Variants in NKAIN3 observed in about 807,000 individuals in gnomAD.
NKAIN3 encodes sodium/potassium-transporting ATPase subunit beta-1-interacting protein 3.
In NKAIN3, 25 loss-of-function variants were observed where a neutral mutation model predicts 30.2. The ratio of observed to expected loss-of-function variants is 0.83; its 90% CI spans 0.60 to 1.16. The LOEUF (loss-of-function observed/expected upper bound fraction) is 1.16. Among genes scored for constraint, NKAIN3 ranks in the 50% most tolerant of loss-of-function variants. The pLI, the probability that NKAIN3 is intolerant of heterozygous loss-of-function variation, is 0.00. For missense variants in NKAIN3, 225 were observed against 254.1 expected, an observed-to-expected ratio of 0.89 and a Z score of 0.78; for synonymous variants, 91 against 89.6, an observed-to-expected ratio of 1.02 and a Z score of -0.09.
chr8:62,596,988 G>A (rs921970804), intron 3 of NKAIN3, among the ~76,000 whole-genome samples: 16 of 152,148 alleles, frequency 1.1e-4, no homozygotes, highest in Middle Eastern at 3.4e-3. Context: ...TGAGTATGCC[G>A]TTCACATCAT....
intron 1 of NKAIN3, among the ~76,000 whole-genome samples, chr8:62,267,511 A>C (rs1393602345): frequency 6.6e-6 from 1 of 152,156 alleles, no homozygotes; most frequent in Admixed American, 6.5e-5. Context: ...CTACACTATT[A>C]TTTCATGCTA....
Position 62,896,879 on chromosome 8 carries a change from G to C in NKAIN3, c.472-21574G>C, listed in dbSNP as rs4739017. Among the ~76,000 whole-genome samples the C allele has an allele frequency of 1.0e-3, 153 of 152,270 alleles. 3 individuals are homozygous for C. Among genetic ancestry groups the C allele is most frequent in the Admixed American group, 9.3e-3 (142 of 15,288 alleles). ...AGAGCAATCTCAGCAGAAAAGTAGG[G>C]CCAGAAGGCAGATTGCAATGAATTA... On this transcript the variant is annotated intron_variant, in intron 4 of 6. Coordinates refer to ENST00000623646, the MANE Select transcript of NKAIN3 (RefSeq NM_001304533.3).
chr8:62,539,020 T>C (rs774881550), intron 1 of NKAIN3, among the ~76,000 whole-genome samples: 5 of 152,106 alleles, frequency 3.3e-5, no homozygotes, highest in Non-Finnish European at 7.4e-5. Context: ...CTCAGGAGGG[T>C]CATTCAGTGT....
intron 1 of NKAIN3, among the ~76,000 whole-genome samples, chr8:62,561,645 T>A (rs780317030): frequency 5.9e-5 from 9 of 152,120 alleles, no homozygotes; most frequent in Non-Finnish European, 1.2e-4. Flanking sequence ...TTTCTTCAAA[T>A]CTCTGTAAAA....
At chr8:62,383,390 T>C (rs912254778) in intron 1 of NKAIN3, 8 of 391,588 alleles carry the variant, frequency 2.0e-5, no homozygotes, top group Non-Finnish European at 4.1e-5. Context: ...ACAAGTGGAG[T>C]AGCCTTTTCC....
At chr8:62,340,006 C>T (rs1174167065) in intron 1 of NKAIN3, among the ~76,000 whole-genome samples, 1 of 152,066 alleles carries the variant, frequency 6.6e-6, no homozygotes, top group South Asian at 2.1e-4. Flanking sequence ...ATACCTTTTC[C>T]TCACCCATCA....
At position 62,764,230 on chromosome 8, in the gene NKAIN3, T is replaced by C. The variant is rs186229599; in HGVS notation, c.471+17101T>C. ...GCTACCCTGTACTGAACATATTCCA[T>C]GTGCCTGGTATCTTTCTTTGAAGTA... On this transcript the variant is annotated intron_variant, in intron 4 of 6. Transcript: ENST00000623646. Among the ~76,000 whole-genome samples the C allele has an allele frequency of 2.0e-5, 3 of 152,346 alleles. No homozygotes were observed. The East Asian group carries it at 5.8e-4, about 29-fold the overall frequency.
intron 1 of NKAIN3, among the ~76,000 whole-genome samples, chr8:62,319,928 G>A (rs1814812071): frequency 1.3e-5 from 2 of 152,044 alleles, no homozygotes; most frequent in African/African-American, 4.8e-5. Flanking sequence ...TGTTGACAGT[G>A]GGGTGTTAAA....
intron 5 of NKAIN3, among the ~76,000 whole-genome samples, chr8:62,933,218 T>C (rs1822675876): frequency 6.6e-6 from 1 of 152,100 alleles, no homozygotes; most frequent in South Asian, 2.1e-4. Flanking sequence ...AGTGAGCAAA[T>C]GGCATTTTCA....
At chr8:62,560,374 C>T (rs1253799426) in intron 1 of NKAIN3, among the ~76,000 whole-genome samples, 2 of 151,970 alleles carry the variant, frequency 1.3e-5, no homozygotes, top group African/African-American at 4.8e-5. Context: ...TGTCTCCTCT[C>T]TTTCCAGTAT....
At chr8:62,553,697 C>T (rs937037330) in intron 1 of NKAIN3, among the ~76,000 whole-genome samples, 23 of 151,862 alleles carry the variant, frequency 1.5e-4, no homozygotes, top group South Asian at 6.3e-4. Context: ...CCAACACACC[C>T]GGCTAATTTT....
intron 2 of NKAIN3, among the ~76,000 whole-genome samples, chr8:62,584,524 G>A (rs1764096127): frequency 1.3e-5 from 2 of 152,118 alleles, no homozygotes. Flanking sequence ...CTAAATCAAA[G>A]CTTATGAAAA....
At chr8:62,580,038 C>G (rs1476550487) in intron 2 of NKAIN3, among the ~76,000 whole-genome samples, 1 of 152,192 alleles carries the variant, frequency 6.6e-6, no homozygotes, top group East Asian at 1.9e-4. Flanking sequence ...TTTATCATAA[C>G]TTTCAGTGAC....
chr8:62,875,575 T>C (rs2130806748), intron 4 of NKAIN3, among the ~76,000 whole-genome samples: 1 of 152,298 alleles, frequency 6.6e-6, no homozygotes, highest in Admixed American at 6.5e-5. Context: ...CTTCAAACTA[T>C]ACTACAAGGC....
At position 62,386,453 on chromosome 8, in the gene NKAIN3, A is replaced by G. The variant is rs1212284750; in HGVS notation, c.54+137326A>G. On this transcript the variant is annotated intron_variant, in intron 1 of 6. Coordinates refer to ENST00000623646, the MANE Select transcript of NKAIN3 (RefSeq NM_001304533.3). ...CTAAATTACACAGAACGTGAAGAAC[A>G]TGACTCTTCCCTATAGGAATACTAG... is the stretch of plus-strand genomic sequence containing the variant. 2.6e-5 allele frequency among the ~76,000 whole-genome samples: 4 copies of G among 152,362 alleles called. 1 individual carries two copies. In the East Asian group the frequency reaches 5.8e-4, roughly 22 times the overall value.
intron 3 of NKAIN3, among the ~76,000 whole-genome samples, chr8:62,655,267 A>G (rs1469131419): frequency 5.3e-5 from 8 of 152,208 alleles, no homozygotes; most frequent in Non-Finnish European, 1.0e-4. Context: ...CTTTAAATAT[A>G]TATGAATGAA....
intron 3 of NKAIN3, among the ~76,000 whole-genome samples, chr8:62,612,356 G>A (rs751705515): frequency 8.6e-5 from 13 of 151,802 alleles, no homozygotes; most frequent in South Asian, 2.1e-4. Flanking sequence ...TCCCTTTGTC[G>A]TTACATAGAT....
intron 1 of NKAIN3, among the ~76,000 whole-genome samples, chr8:62,360,411 ATGG>A (rs1201501281): frequency 3.3e-5 from 5 of 152,224 alleles, no homozygotes; most frequent in Non-Finnish European, 7.3e-5. Context: ...GATAAATCTC[ATGG>A]TGATTCTGGA....
At chr8:62,534,784 C>T (rs1585917317) in intron 1 of NKAIN3, among the ~76,000 whole-genome samples, 1 of 152,172 alleles carries the variant, frequency 6.6e-6, no homozygotes, top group East Asian at 1.9e-4. Flanking sequence ...ACCTCTACTT[C>T]TCCATATGGC....
Sources: gnomAD v4.1 joint callset for allele counts (sites outside exome capture counted in the v4.1 genomes callset) on GRCh38, gnomAD v4.1.1 for gene constraint, MANE v1.5 for transcripts, NCBI Gene and HGNC (gene_info 2026-07-23, HGNC 2026-07-21) for gene names.